The following DCAF8L2 variants were observed in gnomAD, a reference collection of about 807,000 sequenced individuals.
DCAF8L2 encodes DDB1- and CUL4-associated factor 8-like protein 2.
For missense variants in DCAF8L2, 430 were observed against 490.7 expected (o/e 0.88, Z 1.17); for synonymous variants, 200 against 190.9 (o/e 1.05, Z -0.39).
chrX:27,641,832 G>A (rs1468393368), intron 2 of DCAF8L2, among the ~76,000 whole-genome samples: 1 of 109,424 alleles, frequency 9.1e-6, no homozygotes, highest in Non-Finnish European at 1.9e-5. Flanking sequence ...CCTTCCTCTG[G>A]CCACTTTTAA....
chrX:27,581,132 T>C, the DCAF8L2 span, among the ~76,000 whole-genome samples: 2 of 112,164 alleles, frequency 1.8e-5, no homozygotes, highest in Admixed American at 1.9e-4. Flanking sequence ...TCAGTGACCT[T>C]ATACGGCTTA....
intron 2 of DCAF8L2, among the ~76,000 whole-genome samples, chrX:27,674,589 A>T (rs774810204): frequency 2.7e-5 from 3 of 111,089 alleles, no homozygotes; most frequent in Non-Finnish European, 3.8e-5. Context: ...AAGCCGTTGT[A>T]CAATAATGTC....
At chrX:27,682,779 A>AC (rs1491523302) in intron 3 of DCAF8L2, among the ~76,000 whole-genome samples, 1 of 104,698 alleles carries the variant, frequency 9.6e-6, no homozygotes, top group Admixed American at 9.9e-5. Flanking sequence ...GTATTTCTCA[A>AC]GAAAAAAAAA....
chrX:27,592,062 C>T (rs1456135991), intron 1 of DCAF8L2, among the ~76,000 whole-genome samples: 2 of 112,768 alleles, frequency 1.8e-5, no homozygotes, highest in Non-Finnish European at 3.8e-5. Context: ...CACCGGGTCC[C>T]CTCACACCAG....
At chrX:27,550,025 C>T in the DCAF8L2 span, among the ~76,000 whole-genome samples, 41 of 112,163 alleles carry the variant, frequency 3.7e-4, 1 homozygote, top group Middle Eastern at 9.3e-3. Context: ...TTCCCTTTCT[C>T]TCCAATGCTG....
chrX:27,545,796 C>T, the DCAF8L2 span, among the ~76,000 whole-genome samples: 21 of 111,816 alleles, frequency 1.9e-4, no homozygotes, highest in Non-Finnish European at 3.4e-4. Context: ...GGGAAGCAAG[C>T]ACATCTTATA....
chrX:27,574,212 A>T, the DCAF8L2 span, among the ~76,000 whole-genome samples: 1 of 110,984 alleles, frequency 9.0e-6, no homozygotes, highest in East Asian at 2.9e-4. Flanking sequence ...TAGATTTTGA[A>T]AAATCTACTC....
intron 3 of DCAF8L2, among the ~76,000 whole-genome samples, chrX:27,704,435 TTA>T (rs1931271277): frequency 1.8e-5 from 2 of 109,181 alleles, no homozygotes; most frequent in Non-Finnish European, 3.8e-5. Context: ...ACATAGTGTA[TTA>T]TCTCACCTAA....
At chrX:27,549,705 T>C in the DCAF8L2 span, among the ~76,000 whole-genome samples, 87 of 111,604 alleles carry the variant, frequency 7.8e-4, no homozygotes, top group East Asian at 0.024. Flanking sequence ...AGACAGCTTC[T>C]TCCCACTGAT....
the DCAF8L2 span, among the ~76,000 whole-genome samples, chrX:27,557,676 A>G: frequency 1.8e-5 from 2 of 111,390 alleles, no homozygotes; most frequent in African/African-American, 3.3e-5. Context: ...CGCTTTGCTC[A>G]GTGAGAGATA....
intron 1 of DCAF8L2, among the ~76,000 whole-genome samples, chrX:27,593,516 T>C: frequency 9.0e-6 from 1 of 111,704 alleles, no homozygotes; most frequent in Non-Finnish European, 1.9e-5. Flanking sequence ...AGTGTGCTGG[T>C]TTTGATGGAA....
chrX:27,496,827 C>T, the DCAF8L2 span, among the ~76,000 whole-genome samples: 104 of 112,075 alleles, frequency 9.3e-4, 1 homozygote, highest in African/African-American at 3.2e-3. Flanking sequence ...GTTAAAGTGA[C>T]GGCAACTTTT....
chrX:27,511,342 C>T, the DCAF8L2 span, among the ~76,000 whole-genome samples: 1 of 110,826 alleles, frequency 9.0e-6, no homozygotes, highest in Admixed American at 9.8e-5. Context: ...CTAGAATTTT[C>T]CCTTATACAC....
the DCAF8L2 span, among the ~76,000 whole-genome samples, chrX:27,581,587 CA>C: frequency 1.4e-5 from 1 of 69,093 alleles, no homozygotes; most frequent in Admixed American, 2.0e-4. Context: ...GGATTTAATA[CA>C]ATTTTTTTTT....
the DCAF8L2 span, among the ~76,000 whole-genome samples, chrX:27,513,400 A>T: frequency 8.9e-6 from 1 of 111,846 alleles, no homozygotes; most frequent in Non-Finnish European, 1.9e-5. Flanking sequence ...TATAAAACTA[A>T]ATAATCTTAT....
At chrX:27,525,345 A>T in the DCAF8L2 span, among the ~76,000 whole-genome samples, 1 of 111,413 alleles carries the variant, frequency 9.0e-6, no homozygotes, top group African/African-American at 3.3e-5. Context: ...AGAGACTAGG[A>T]TTGCAACTCC....
intron 2 of DCAF8L2, among the ~76,000 whole-genome samples, chrX:27,653,943 A>G (rs1204290220): frequency 3.6e-5 from 4 of 111,710 alleles, no homozygotes; most frequent in Non-Finnish European, 7.5e-5. Flanking sequence ...GTGTCATGGG[A>G]CTGAAATTAT....
chrX:27,684,286 C>T lies in DCAF8L2; in HGVS notation c.-143+6374C>T, dbSNP rs767460504. ...GGGGAAGCAGTATGGGAAGGAGGGC[C>T]ATTTTCTGAGCATCAGAGTCACAGG... is the stretch of plus-strand genomic sequence containing the variant. On this transcript the variant is annotated intron_variant, in intron 3 of 4. Coordinates refer to ENST00000451261, the MANE Select transcript of DCAF8L2 (RefSeq NM_001353450.2). Among the ~76,000 whole-genome samples the T allele has an allele frequency of 2.7e-5, 3 of 111,430 alleles. No homozygotes were observed. The South Asian group carries it at 1.1e-3, about 42-fold the overall frequency.
chrX:27,606,153 C>A (rs951377009), intron 1 of DCAF8L2, among the ~76,000 whole-genome samples: 1 of 100,139 alleles, frequency 1.0e-5, no homozygotes, highest in African/African-American at 3.7e-5. Flanking sequence ...GTATTACAGG[C>A]ATTACTATGG....
Sources: allele counts gnomAD v4.1 joint callset (sites outside exome capture counted in the v4.1 genomes callset), GRCh38; gene constraint gnomAD v4.1.1; transcripts MANE v1.5; gene names NCBI Gene and HGNC (gene_info 2026-07-23, HGNC 2026-07-21).